The following TTLL6 variants were observed in gnomAD, a reference collection of about 807,000 sequenced individuals.
TTLL6 encodes tubulin tyrosine ligase like 6, also known as tubulin polyglutamylase TTLL6.
TTLL6 carries 75 observed loss-of-function variants against 96.4 expected under a neutral mutation model. That is an observed-to-expected ratio of 0.78 (90% CI 0.65 to 0.94). The LOEUF is 0.94. Among genes scored for constraint, TTLL6 ranks in the 40% least tolerant of loss-of-function variants. The probability of loss-of-function intolerance (pLI) is 0.00; values close to 1 mark genes in which losing one functional copy is unlikely to be tolerated. For missense variants in TTLL6, 1,030 were observed against 1,093.0 expected (o/e 0.94, Z 0.81); for synonymous variants, 411 against 419.4 (o/e 0.98, Z 0.24).
At chr17:48,813,638 T>G (rs1389857579) in intron 1 of TTLL6, among the ~76,000 whole-genome samples, 2 of 152,180 alleles carry the variant, frequency 1.3e-5, no homozygotes, top group Non-Finnish European at 2.9e-5. Flanking sequence ...TGCTTTAAAT[T>G]CCCATCTCCA....
chr17:48,803,352 C>T (rs543593296), intron 3 of TTLL6, among the ~76,000 whole-genome samples: 3 of 151,426 alleles, frequency 2.0e-5, no homozygotes, highest in African/African-American at 2.4e-5. Context: ...AAAATTTAGC[C>T]GGGCATGGTG....
intron 13 of TTLL6, among the ~76,000 whole-genome samples, chr17:48,773,973 T>C (rs1024860441): frequency 8.0e-5 from 12 of 149,424 alleles, no homozygotes; most frequent in African/African-American, 3.0e-4. Context: ...TCCCAGCTAC[T>C]TGGGAGGCTG....
At position 48,799,623 on chromosome 17, in the gene TTLL6, C is replaced by T; in HGVS notation, c.749G>A (p.Cys250Tyr). The change falls in exon 6 of 16, where the codon TGT becomes TAT. Residue 250 changes from cysteine (C) to tyrosine (Y), a missense_variant. Transcript: ENST00000393382. ...KEIKPGEDMI[C>Y]QLYISKPFII... Reference sequence around the variant, plus strand: ...AAGTACCTTTGAAATATACAGCTGACAGATCATATCCTCCCCTGGTTTGAT... The same window carrying T: ...AAGTACCTTTGAAATATACAGCTGATAGATCATATCCTCCCCTGGTTTGAT... The T allele has an allele frequency of 3.2e-6, 5 of 1,551,900 alleles. No individual in the cohort carries two copies. The highest frequency in any genetic ancestry group is 4.4e-6 in the Non-Finnish European group (5 of 1,147,056).
chr17:48,812,226 G>T (rs1343717871), intron 1 of TTLL6: 2 of 152,148 alleles, frequency 1.3e-5, no homozygotes, highest in Non-Finnish European at 2.9e-5. Context: ...AAGCAGTCTT[G>T]TAGCCTTGAG....
chr17:48,790,244 G>A (rs900658862), intron 9 of TTLL6, 138 bp from the exon 10 acceptor site: 118 of 876,314 alleles, frequency 1.3e-4, no homozygotes, highest in Non-Finnish European at 2.0e-4. Flanking sequence ...AGGGGAGAGA[G>A]CATCTGGACT....
Position 48,804,878 on chromosome 17 carries a change from C to A in TTLL6, c.217G>T (p.Asp73Tyr), listed in dbSNP as rs2039482920. 1 of 1,552,290 alleles carries A rather than the reference C, an allele frequency of 6.4e-7. No individual in the cohort carries two copies. The highest frequency in any genetic ancestry group is 8.7e-7 in the Non-Finnish European group (1 of 1,147,122). Residue 73 changes from aspartate to tyrosine, a missense_variant, in exon 2 of 16, where the codon GAT becomes TAT. Physicochemically the swap from Asp to Tyr is radical, Grantham distance 160. Transcript: ENST00000393382. ...SEEKGDSSKE[D>Y]PKETVALAFV... ...GCCAGCGCGACGGTTTCTTTTGGAT[C>A]TTCTTTGGAACTGTCCCCCTTCTCT...
At chr17:48,769,489 C>T (rs562325796) in intron 14 of TTLL6, among the ~76,000 whole-genome samples, 1 of 152,190 alleles carries the variant, frequency 6.6e-6, no homozygotes, top group Admixed American at 6.5e-5. Flanking sequence ...GAATGAGAAC[C>T]AGGAAGTGGT....
chr17:48,803,779 G>T lies in TTLL6; in HGVS notation c.361+112C>A, dbSNP rs896163297. On this transcript the variant is annotated intron_variant, in intron 3 of 15. Transcript: ENST00000393382. ...TTGAGCTAGGAGAACTGAAGGACAG[G>T]ATTTGAAGATACGCCCTTTCATCCT... The T allele has an allele frequency of 1.6e-5, 18 of 1,093,440 alleles. No homozygotes were observed. In the African/African-American group the frequency reaches 2.7e-4, roughly 16 times the overall value. 67.7% of individuals were successfully genotyped at this position (1,093,440 alleles called of 1,614,324 possible).
intron 8 of TTLL6, among the ~76,000 whole-genome samples, chr17:48,795,598 G>T (rs1261290239): frequency 6.6e-6 from 1 of 152,136 alleles, no homozygotes; most frequent in Admixed American, 6.5e-5. Context: ...GAATCTTCAA[G>T]CCGGCTAGCC....
intron 13 of TTLL6, 52 bp downstream of exon 13, chr17:48,784,870 AC>A: frequency 6.7e-7 from 1 of 1,499,070 alleles, no homozygotes; most frequent in Non-Finnish European, 9.2e-7. Context: ...TAGAGAAAGG[AC>A]CAGTAAGCAA....
At chr17:48,768,284 T>A (rs966283724) in intron 15 of TTLL6, among the ~76,000 whole-genome samples, 1 of 151,476 alleles carries the variant, frequency 6.6e-6, no homozygotes, top group African/African-American at 2.4e-5. Flanking sequence ...TATTATTATT[T>A]TTTTGAGACG....
At chr17:48,765,391 A>G (rs191826784) in intron 15 of TTLL6, among the ~76,000 whole-genome samples, 1 of 152,306 alleles carries the variant, frequency 6.6e-6, no homozygotes, top group East Asian at 1.9e-4. Flanking sequence ...CAGCCTGGAC[A>G]ACAGAACAAG....
chr17:48,794,183 C>T (rs2039278930), intron 8 of TTLL6: 4 of 1,613,964 alleles, frequency 2.5e-6, no homozygotes, highest in Non-Finnish European at 3.4e-6. Context: ...CAGAACAACA[C>T]TTGAAGCCTT....
At chr17:48,804,420 T>C in intron 2 of TTLL6, 1 of 496,484 alleles carries the variant, frequency 2.0e-6, no homozygotes, top group Non-Finnish European at 3.9e-6. Flanking sequence ...TCCTGATAAG[T>C]CAGTATGGTG....
intron 10 of TTLL6, among the ~76,000 whole-genome samples, chr17:48,788,988 G>T (rs565984319): frequency 6.6e-6 from 1 of 152,172 alleles, no homozygotes; most frequent in Non-Finnish European, 1.5e-5. Context: ...AGAGTCTCCA[G>T]ACACTAGAAT....
chr17:48,775,849 CCATT>C (rs1273756715), intron 13 of TTLL6, among the ~76,000 whole-genome samples: 6 of 151,918 alleles, frequency 3.9e-5, no homozygotes, highest in Admixed American at 3.3e-4. Flanking sequence ...CCTCATCCAT[CCATT>C]ATTTTAAAAA....
chr17:48,779,514 A>G (rs115500382), intron 13 of TTLL6, among the ~76,000 whole-genome samples: 2,916 of 152,310 alleles, frequency 0.019, 110 homozygotes, highest in African/African-American at 0.067. Context: ...AGTTACATAT[A>G]GATTTACCTT....
At chr17:48,809,750 G>A (rs1201875640) in intron 1 of TTLL6, among the ~76,000 whole-genome samples, 1 of 152,134 alleles carries the variant, frequency 6.6e-6, no homozygotes, top group African/African-American at 2.4e-5. Context: ...CAGCTACTCA[G>A]GAGGCTGAGG....
rs567488909 is a variant in TTLL6 at position 48,787,919 on chromosome 17, C to T, written c.1481G>A (p.Arg494Gln). 22 of 1,614,168 alleles carry T rather than the reference C, an allele frequency of 1.4e-5. No homozygotes were observed. Among genetic ancestry groups the T allele is most frequent in the South Asian group, 7.7e-5 (7 of 91,074 alleles). The change falls in exon 11 of 16, where the codon CGA (arginine) becomes CAA (glutamine). Residue 494 changes from arginine (R) to glutamine (Q), a missense_variant. By Grantham distance (43) the Arg-to-Gln change is conservative. Transcript: ENST00000393382. ...CGAATTCAGACTGGGATAAATCAGT[C>T]GGAACCCTCCACAGTTTTCCTTCTC... Reference protein sequence around the residue: ...TYEKENCGGFRLIYPSLNSEK... With the variant: ...TYEKENCGGFQLIYPSLNSEK...
Sources: gnomAD v4.1 joint callset for allele counts (sites outside exome capture counted in the v4.1 genomes callset) on GRCh38, gnomAD v4.1.1 for gene constraint, MANE v1.5 for transcripts, NCBI Gene and HGNC (gene_info 2026-07-23, HGNC 2026-07-21) for gene names.